PALM3: variants seen among roughly 807,000 people sequenced by gnomAD.
PALM3 encodes the protein paralemmin 3, also known as paralemmin-3.
Under a neutral mutation model 27.9 loss-of-function variants are expected in PALM3, and 20 were observed. The ratio of observed to expected loss-of-function variants is 0.72; its 90% CI spans 0.50 to 1.04. The LOEUF is 1.04. Among genes scored for constraint, PALM3 ranks in the 50% least tolerant of loss-of-function variants. The pLI is 0.00. For synonymous variants in PALM3, 328 were observed against 352.7 expected, an observed-to-expected ratio of 0.93 and a Z score of 0.79; for missense variants, 814 against 869.4, an observed-to-expected ratio of 0.94 and a Z score of 0.80.
chr19:14,060,542 G>A (rs924876776), intron 1 of PALM3, among the ~76,000 whole-genome samples: 1 of 152,122 alleles, frequency 6.6e-6, no homozygotes, highest in Non-Finnish European at 1.5e-5. Flanking sequence ...TAAGCTATAT[G>A]AATGTGTCCA....
rs1425490699 is a variant in PALM3, at chr19:14,054,072, T to C, written c.1600A>G (p.Lys534Glu). The change falls in exon 7 of 7, where the codon AAA (lysine) becomes GAA (glutamate). Residue 534 changes from lysine (K) to glutamate (E), a missense_variant. Coordinates refer to ENST00000669674, the MANE Select transcript of PALM3 (RefSeq NM_001145028.2). Reference sequence around the variant, plus strand: ...TCCAATGATTCCTCACCTCCCCTTTTCTCTGCCTCCAGTGTCTCCTCCCCT... The same window carrying C: ...TCCAATGATTCCTCACCTCCCCTTTCCTCTGCCTCCAGTGTCTCCTCCCCT... ...KGGEETLEAE[K>E]RGGEESLETE... The C allele has an allele frequency of 1.9e-6, 3 of 1,551,682 alleles. No homozygotes were observed. The highest frequency in any genetic ancestry group is 1.7e-6 in the Non-Finnish European group (2 of 1,146,972).
intron 2 of PALM3, among the ~76,000 whole-genome samples, chr19:14,058,407 T>G (rs1976356075): frequency 7.2e-6 from 1 of 139,830 alleles, no homozygotes; most frequent in Non-Finnish European, 1.5e-5. Flanking sequence ...AGGAGGGTGC[T>G]AGTGAGATGG....
At position 14,054,916 on chromosome 19, in the gene PALM3, GC is replaced by G. The variant is rs1667476297; in HGVS notation, c.755del (p.Gly252AlafsTer31). On this transcript the variant is annotated frameshift_variant, in exon 7 of 7. Transcript: ENST00000669674. LOFTEE classifies it low-confidence loss of function (END_TRUNC). ...CCTCCACCTTAGCCTCCAGCTCGGG[GC>G]CCGTGGCCCCTGTGGCACAGTCCTC... ...ATEDCATGATGPELEAKVEEV... is the reference protein window; with the variant it reads ...ATEDCATGATXPELEAKVEEV... The G allele has an allele frequency of 6.5e-7, 1 of 1,549,048 alleles. No individual in the cohort carries two copies. The highest frequency in any genetic ancestry group is 1.4e-5 in the African/African-American group (1 of 73,024).
rs1397391676 is a variant in PALM3, at chr19:14,054,933, C to T, written c.739G>A (p.Ala247Thr). The T allele has an allele frequency of 7.1e-6, 11 of 1,549,358 alleles. No homozygotes were observed. Among genetic ancestry groups the T allele is most frequent in the African/African-American group, 4.1e-5 (3 of 73,062 alleles). ...WEGLRATEDC[A>T]TGATGPELEA... Reference sequence around the variant, plus strand: ...AGCTCGGGGCCCGTGGCCCCTGTGGCACAGTCCTCTGTGGCCCTCAGCCCT... The same window carrying T: ...AGCTCGGGGCCCGTGGCCCCTGTGGTACAGTCCTCTGTGGCCCTCAGCCCT... Residue 247 changes from alanine (A) to threonine (T), a missense_variant, in exon 7 of 7, where the codon GCC becomes ACC. Ala to Thr is a moderately conservative substitution (Grantham distance 58). Coordinates refer to ENST00000669674, the MANE Select transcript of PALM3 (RefSeq NM_001145028.2).
At chr19:14,057,002 CAAAATGAA>C in intron 3 of PALM3, 198 bp from the exon 4 acceptor site, 1 of 621,624 alleles carries the variant, frequency 1.6e-6, no homozygotes, top group Non-Finnish European at 2.7e-6. Flanking sequence ...CAAACCCTTC[CAAAATGAA>C]ACGGGCACTT....
chr19:14,058,663 A>G (rs1976361661), intron 2 of PALM3, among the ~76,000 whole-genome samples: 1 of 151,568 alleles, frequency 6.6e-6, no homozygotes, highest in African/African-American at 2.4e-5. Flanking sequence ...GTTCAGGGAG[A>G]TGGAGGAGGG....
intron 3 of PALM3, 110 bp from the exon 4 acceptor site, chr19:14,056,914 C>CAATT (rs1381481312): frequency 9.3e-7 from 1 of 1,072,912 alleles, no homozygotes; most frequent in African/African-American, 2.7e-5. Context: ...ACCTCACAAC[C>CAATT]AGTTGCGACA....
chr19:14,058,396 AAGG>A (rs1172779499), intron 2 of PALM3, among the ~76,000 whole-genome samples: 1 of 128,254 alleles, frequency 7.8e-6, no homozygotes, highest in Non-Finnish European at 1.6e-5. Flanking sequence ...GGGGAATAAA[AAGG>A]AGGGTGCTAG....
Position 14,057,336 on chromosome 19 carries a change from C to A in PALM3, c.171+15G>T, listed in dbSNP as rs992206188. ...CATTCCCCAGGCTAGGCAGGCGCCCCCGCCCGCCCCCAACCTTGAGACGCT... is the reference window on the plus strand; with the variant it reads ...CATTCCCCAGGCTAGGCAGGCGCCCACGCCCGCCCCCAACCTTGAGACGCT... On this transcript the variant is annotated intron_variant, in intron 3 of 6. Coordinates refer to ENST00000669674, the MANE Select transcript of PALM3 (RefSeq NM_001145028.2). The A allele has an allele frequency of 5.1e-5, 78 of 1,532,990 alleles. No homozygotes were observed. Among genetic ancestry groups the A allele is most frequent in the Non-Finnish European group, 4.6e-5 (52 of 1,137,204 alleles). The allele number at this position is 1,532,990 out of a possible 1,614,324, so 95.0% of individuals were successfully genotyped here.
At chr19:14,061,869 A>G (rs916284380) in intron 1 of PALM3, 71 bp downstream of exon 1, 2 of 934,014 alleles carry the variant, frequency 2.1e-6, no homozygotes, top group Admixed American at 1.2e-4. Context: ...GCTCCCAGAC[A>G]AGGCCAGCAT....
chr19:14,056,381 G>C, intron 5 of PALM3, 48 bp downstream of exon 5: 1 of 1,484,846 alleles, frequency 6.7e-7, no homozygotes, highest in Non-Finnish European at 9.2e-7. Context: ...CTGCCTTGAG[G>C]CCTGCTGGCC....
rs1277564589 is a variant in PALM3, at chr19:14,054,166, T to C, written c.1506A>G (p.Gly502=). 1.9e-6 allele frequency: 3 copies of C among 1,551,622 alleles called. No homozygotes were observed. Among genetic ancestry groups the C allele is most frequent in the Non-Finnish European group, 2.6e-6 (3 of 1,147,006 alleles). The change falls in exon 7 of 7, where the codon GGA becomes GGG. Residue 502 remains glycine, a synonymous_variant. Transcript: ENST00000669674. ...AEEEEVEEPL[G]VEKKGGEEEP... ...CTTCCTCACCTCCTTTCTTCTCTACTCCCAATGGTTCTTCTACCTCCTCCT... is the reference window on the plus strand; with the variant it reads ...CTTCCTCACCTCCTTTCTTCTCTACCCCCAATGGTTCTTCTACCTCCTCCT...
chr19:14,057,166 C>G (rs1448861617), intron 3 of PALM3, among the ~76,000 whole-genome samples, 185 bp downstream of exon 3: 1 of 152,156 alleles, frequency 6.6e-6, no homozygotes, highest in East Asian at 1.9e-4. Context: ...CCATGACCAC[C>G]CCACTTCGTC....
chr19:14,061,863 C>T, intron 1 of PALM3, 77 bp downstream of exon 1: 1 of 926,370 alleles, frequency 1.1e-6, no homozygotes, highest in Non-Finnish European at 1.3e-6. Flanking sequence ...CTCTCGGCTC[C>T]CAGACAAGGC....
Position 14,059,100 on chromosome 19 carries a change from GA to G in PALM3, c.90+14del. ...AGTTTGGGGGTGCCCAGGGCGCGGG[GA>G]GGGCGTCACTTACAGCGATGACTTC... On this transcript the variant is annotated intron_variant, in intron 2 of 6. Coordinates refer to ENST00000669674, the MANE Select transcript of PALM3 (RefSeq NM_001145028.2). 6.9e-7 allele frequency: 1 copy of G among 1,454,498 alleles called. No individual in the cohort carries two copies. Among genetic ancestry groups the G allele is most frequent in the Non-Finnish European group, 9.1e-7 (1 of 1,103,980 alleles). The allele number at this position is 1,454,498 out of a possible 1,614,324, so 90.1% of individuals were successfully genotyped here.
chr19:14,057,376 T>G lies in PALM3; in HGVS notation c.146A>C (p.Glu49Ala). The part of the protein sequence containing the change: ...IRAARREVEE[E>A]KLRVERLKRK... ...CTTGAGACGCTCCACGCGGAGTTTC[T>G]CCTCCTCCACCTCCCGGCGCGCGGC... Residue 49 changes from glutamate (E) to alanine (A), a missense_variant, in exon 3 of 7, where the codon GAG becomes GCG. Glu to Ala is a moderately radical substitution (Grantham distance 107). Coordinates refer to ENST00000669674, the MANE Select transcript of PALM3 (RefSeq NM_001145028.2). The G allele has an allele frequency of 6.5e-7, 1 of 1,544,226 alleles. No individual in the cohort carries two copies. Among genetic ancestry groups the G allele is most frequent in the South Asian group, 1.2e-5 (1 of 83,798 alleles).
At chr19:14,061,053 G>A (rs1470408608) in intron 1 of PALM3, among the ~76,000 whole-genome samples, 2 of 152,202 alleles carry the variant, frequency 1.3e-5, no homozygotes, top group Non-Finnish European at 2.9e-5. Flanking sequence ...GAGCCACCGT[G>A]CCCGGCCACG....
chr19:14,056,083 G>T (rs1976299003), intron 5 of PALM3, among the ~76,000 whole-genome samples: 1 of 152,084 alleles, frequency 6.6e-6, no homozygotes, highest in East Asian at 1.9e-4. Flanking sequence ...TAATTTTTGT[G>T]TTTTTAGTAG....
intron 2 of PALM3, among the ~76,000 whole-genome samples, chr19:14,058,026 T>C (rs1459353444): frequency 7.2e-5 from 11 of 152,062 alleles, no homozygotes; most frequent in Non-Finnish European, 1.5e-4. Context: ...GAGAATCTCT[T>C]GAACTCGGGA....
Sources: gnomAD v4.1 joint callset for allele counts (sites outside exome capture counted in the v4.1 genomes callset) on GRCh38, gnomAD v4.1.1 for gene constraint, MANE v1.5 for transcripts, NCBI Gene and HGNC (gene_info 2026-07-23, HGNC 2026-07-21) for gene names.